The following DNAH14 variants were observed in gnomAD, a reference collection of about 807,000 sequenced individuals.
DNAH14 encodes axonemal beta dynein heavy chain 14.
A neutral mutation model predicts 520.9 loss-of-function variants in DNAH14; 478 were observed. The observed-to-expected ratio is 0.92, with a 90% CI of 0.85 to 0.99. The LOEUF (loss-of-function observed/expected upper bound fraction) is 0.99, where lower values mean the gene tolerates loss of function less well. DNAH14 is among the 50% of genes least tolerant of loss of function. The pLI, the probability that DNAH14 is intolerant of heterozygous loss-of-function variation, is 0.00. For missense variants in DNAH14, 4,831 were observed against 5,234.5 expected, an observed-to-expected ratio of 0.92 and a Z score of 2.38; for synonymous variants, 1,581 against 1,757.2, an observed-to-expected ratio of 0.90 and a Z score of 2.51.
chr1:225,293,154 T>C (rs2093931005), intron 55 of DNAH14, among the ~76,000 whole-genome samples: 1 of 152,112 alleles, frequency 6.6e-6, no homozygotes, highest in African/African-American at 2.4e-5. Context: ...ATGGCTACTA[T>C]TAAAAAGTCA....
intron 85 of DNAH14, 25 bp from the exon 86 acceptor site, chr1:225,399,029 T>C (rs1374348954): frequency 6.8e-7 from 1 of 1,459,982 alleles, no homozygotes; most frequent in Admixed American, 2.1e-5. Flanking sequence ...GCAATTTGAC[T>C]ACTGGATTTT....
In DNAH14 at chr1:225,398,511, C is replaced by T; in HGVS notation, c.13492-9C>T. On this transcript the variant is annotated splice_polypyrimidine_tract_variant and intron_variant, in intron 84 of 85. Transcript: ENST00000682510. ...GGGGATCCCTGACACCACCTCTCTT[C>T]CATCTTAGGGCTCAGCTTCCTCTCA... 6.4e-7 allele frequency: 1 copy of T among 1,551,374 alleles called. No homozygotes were observed. Among genetic ancestry groups the T allele is most frequent in the Non-Finnish European group, 8.7e-7 (1 of 1,146,782 alleles).
chr1:225,291,993 C>T (rs1218438027), intron 55 of DNAH14, among the ~76,000 whole-genome samples: 7 of 151,950 alleles, frequency 4.6e-5, no homozygotes, highest in Non-Finnish European at 7.4e-5. Flanking sequence ...AGATATGAAT[C>T]CTCTATTGGA....
intron 8 of DNAH14, among the ~76,000 whole-genome samples, chr1:224,986,942 A>G (rs993574127): frequency 6.6e-6 from 1 of 152,242 alleles, no homozygotes; most frequent in Non-Finnish European, 1.5e-5. Context: ...TAAGGACTCC[A>G]CTAAAAATCT....
chr1:225,061,946 A>G (rs1184683463), intron 17 of DNAH14, among the ~76,000 whole-genome samples: 1 of 152,196 alleles, frequency 6.6e-6, no homozygotes, highest in Non-Finnish European at 1.5e-5. Context: ...TCTAGCCATG[A>G]TGGAGAAACA....
intron 55 of DNAH14, among the ~76,000 whole-genome samples, chr1:225,297,738 A>G (rs1190205341): frequency 1.3e-5 from 2 of 152,192 alleles, no homozygotes; most frequent in African/African-American, 4.8e-5. Flanking sequence ...TTCTCATGTC[A>G]AGGGCATGTG....
intron 11 of DNAH14, among the ~76,000 whole-genome samples, chr1:225,038,163 T>C (rs1242477408): frequency 7.2e-5 from 11 of 152,326 alleles, no homozygotes; most frequent in African/African-American, 2.6e-4. Context: ...CAGGTTTTGT[T>C]TGTCTGGGAA....
intron 71 of DNAH14, among the ~76,000 whole-genome samples, chr1:225,347,399 A>G (rs1029761146): frequency 6.6e-6 from 1 of 152,158 alleles, no homozygotes; most frequent in African/African-American, 2.4e-5. Context: ...ATGCCTATTC[A>G]TGCCTCCCCC....
At chr1:225,009,635 C>T (rs551363332) in intron 10 of DNAH14, among the ~76,000 whole-genome samples, 33 of 152,086 alleles carry the variant, frequency 2.2e-4, no homozygotes, top group African/African-American at 4.8e-4. Flanking sequence ...TTTCTAATTA[C>T]GTGAAGAAAG....
At chr1:225,322,903 T>A (rs749377008) in intron 62 of DNAH14, 80 bp downstream of exon 62, 1 of 1,331,888 alleles carries the variant, frequency 7.5e-7, no homozygotes, top group South Asian at 1.8e-5. Context: ...TCTAAATTGT[T>A]CTATTCTTAG....
chr1:224,988,514 T>C (rs2062811012), intron 8 of DNAH14, among the ~76,000 whole-genome samples: 1 of 152,208 alleles, frequency 6.6e-6, no homozygotes, highest in African/African-American at 2.4e-5. Flanking sequence ...TTTTATACTG[T>C]TGGTGGGAAT....
chr1:224,999,292 C>T lies in DNAH14; in HGVS notation c.831-3491C>T, dbSNP rs886508976. ...CAAGATCTCAACTCACCACAACTTC[C>T]GCCTCCCGGGTTCAAGCCATTCTCC... On this transcript the variant is annotated intron_variant, in intron 8 of 85. Coordinates refer to ENST00000682510, the MANE Select transcript of DNAH14 (RefSeq NM_001367479.1). Among the ~76,000 whole-genome samples the T allele has an allele frequency of 6.6e-5, 10 of 152,090 alleles. No individual in the cohort carries two copies. The East Asian group carries it at 7.7e-4, about 12-fold the overall frequency.
rs180878324 is a variant in DNAH14 at position 225,233,892 on chromosome 1, A to G, written c.6518+2741A>G. ...TATATTCTGAATGGTATTTGCCTAG[A>G]TTTTCTTCTAGGGTTTTTATAGTTT... On this transcript the variant is annotated intron_variant, in intron 42 of 85. Transcript: ENST00000682510. 2.6e-3 allele frequency among the ~76,000 whole-genome samples: 401 copies of G among 151,922 alleles called. 1 individual carries two copies. The highest frequency in any genetic ancestry group is 4.5e-3 in the Non-Finnish European group (308 of 67,956).
intron 8 of DNAH14, among the ~76,000 whole-genome samples, chr1:224,993,342 A>T (rs1413310063): frequency 1.3e-5 from 2 of 151,912 alleles, no homozygotes; most frequent in East Asian, 3.9e-4. Flanking sequence ...ACTTTTTTTG[A>T]TGGGAGATTT....
chr1:225,218,796 G>A (rs2089721219), intron 41 of DNAH14, among the ~76,000 whole-genome samples: 1 of 152,118 alleles, frequency 6.6e-6, no homozygotes, highest in Non-Finnish European at 1.5e-5. Context: ...ACTCAGCTCT[G>A]GACCAAGTAG....
intron 21 of DNAH14, among the ~76,000 whole-genome samples, chr1:225,094,495 T>G (rs918440399): frequency 1.3e-5 from 2 of 151,730 alleles, no homozygotes; most frequent in African/African-American, 2.4e-5. Context: ...ATTAAAGACT[T>G]AACTGTAAAA....
At chr1:225,303,066 T>G in intron 56 of DNAH14, 90 bp from the exon 57 acceptor site, 1 of 1,022,438 alleles carries the variant, frequency 9.8e-7, no homozygotes, top group Non-Finnish European at 1.4e-6. Flanking sequence ...AGGAAAGATC[T>G]GAAATATGTT....
At chr1:225,112,071 T>G (rs2076526864) in intron 23 of DNAH14, among the ~76,000 whole-genome samples, 1 of 152,136 alleles carries the variant, frequency 6.6e-6, no homozygotes, top group Non-Finnish European at 1.5e-5. Flanking sequence ...TATGAGTAGT[T>G]TACACACCAC....
intron 27 of DNAH14, among the ~76,000 whole-genome samples, chr1:225,136,863 T>C (rs1004471012): frequency 1.3e-5 from 2 of 152,222 alleles, no homozygotes; most frequent in African/African-American, 4.8e-5. Context: ...TCATTCTTTT[T>C]TCATTATTAT....
Sources: gnomAD v4.1 joint callset for allele counts (sites outside exome capture counted in the v4.1 genomes callset) on GRCh38, gnomAD v4.1.1 for gene constraint, MANE v1.5 for transcripts, NCBI Gene and HGNC (gene_info 2026-07-23, HGNC 2026-07-21) for gene names.